The following LGI2 variants were observed in gnomAD, a reference collection of about 807,000 sequenced individuals.
The protein encoded by LGI2 is leucine-rich repeat LGI family member 2.
Under a neutral mutation model 52.0 loss-of-function variants are expected in LGI2, and 30 were observed. The ratio of observed to expected loss-of-function variants is 0.58; its 90% CI spans 0.43 to 0.78. The LOEUF (loss-of-function observed/expected upper bound fraction) is 0.78. Ranked by LOEUF, LGI2 falls within the 30% of genes least tolerant of loss-of-function variation. The pLI is 0.00. For synonymous variants in LGI2, 270 were observed against 271.8 expected, an observed-to-expected ratio of 0.99 and a Z score of 0.06; for missense variants, 573 against 692.5, an observed-to-expected ratio of 0.83 and a Z score of 1.94.
In LGI2 at chr4:25,030,487, T is replaced by C; in HGVS notation, c.197+10A>G. ...CGGGACGGGATGGGGGCTGGAGGGG[T>C]CCCACTCACAGGGAGCTGATGTCGC... On this transcript the variant is annotated intron_variant, in intron 1 of 7. Transcript: ENST00000382114. 6.4e-7 allele frequency: 1 copy of C among 1,574,586 alleles called. No homozygotes were observed. The highest frequency in any genetic ancestry group is 2.3e-5 in the East Asian group (1 of 43,048).
In LGI2 at chr4:25,011,104, AC is replaced by A. The variant is rs748146029; in HGVS notation, c.820+1230del. 5.9e-5 allele frequency among the ~76,000 whole-genome samples: 9 copies of A among 152,000 alleles called. No homozygotes were observed. In the East Asian group the frequency reaches 9.7e-4, roughly 16 times the overall value. ...CTCAAAAAAAAAAAAAATCAAAAAAACCAAAAAACAGAAAACAGCAAAGCTT... is the reference window on the plus strand; with the variant it reads ...CTCAAAAAAAAAAAAAATCAAAAAAACAAAAAACAGAAAACAGCAAAGCTT... On this transcript the variant is annotated intron_variant, in intron 7 of 7. Coordinates refer to ENST00000382114, the MANE Select transcript of LGI2 (RefSeq NM_018176.4).
intron 6 of LGI2, among the ~76,000 whole-genome samples, chr4:25,015,876 G>T (rs550377439): frequency 6.6e-6 from 1 of 152,078 alleles, no homozygotes; most frequent in Admixed American, 6.5e-5. Flanking sequence ...TTTTTTTCCC[G>T]ATGGAAGAAA....
chr4:24,996,975 T>C (rs756741932), downstream of LGI2, among the ~76,000 whole-genome samples: 10 of 152,164 alleles, frequency 6.6e-5, no homozygotes, highest in Non-Finnish European at 1.3e-4. Context: ...TGCTGGCCTC[T>C]TTTCCCCTGT....
In LGI2 at chr4:25,003,784, G is replaced by C. The variant is rs955506372; in HGVS notation, c.1305C>G (p.Ser435=). Residue 435 remains serine, a synonymous_variant, in exon 8 of 8, where the codon TCC becomes TCG. Coordinates refer to ENST00000382114, the MANE Select transcript of LGI2 (RefSeq NM_018176.4). ...SFRMQNTLYL[S]LTRFIGDSRV... ...GGGAGTCCCCGATGAAGCGGGTAAG[G>C]GAAAGGTAGAGGGTATTTTGCATTC... The C allele has an allele frequency of 4.3e-6, 7 of 1,614,082 alleles. No homozygotes were observed. In the Admixed American group the frequency reaches 1.0e-4, roughly 23 times the overall value.
intron 7 of LGI2, among the ~76,000 whole-genome samples, chr4:25,007,578 AGTGTGTGTGTGTGTGT>A (rs3066687): frequency 0.25 from 35,328 of 142,248 alleles, 4,639 homozygotes; most frequent in Middle Eastern, 0.41. Context: ...CAGACAGATC[AGTGTGTGTGTGTGTGT>A]GTGTGTGTGT....
chr4:24,992,644 T>A, the LGI2 span, among the ~76,000 whole-genome samples: 1 of 152,024 alleles, frequency 6.6e-6, no homozygotes, highest in Non-Finnish European at 1.5e-5. Flanking sequence ...GATCGTGCCA[T>A]TGCACTCCAG....
In LGI2 at chr4:25,001,882, T is replaced by A. The variant is rs903957261; in HGVS notation, c.*1569A>T. The A allele has an allele frequency of 6.6e-6, 1 of 152,224 alleles. No homozygotes were observed. Among genetic ancestry groups the A allele is most frequent in the Non-Finnish European group, 1.5e-5 (1 of 68,040 alleles). The allele number at this position is 152,224 out of a possible 1,614,324, so 9.4% of individuals were successfully genotyped here. A position where few individuals can be genotyped will look rare whatever the true frequency, so the allele number is the denominator to read the frequency against. On this transcript the variant is annotated 3_prime_UTR_variant, in exon 8 of 8. Coordinates refer to ENST00000382114, the MANE Select transcript of LGI2 (RefSeq NM_018176.4). The stretch of plus-strand genomic sequence containing the variant: ...TACCTACTCATGACATGGCAAATAG[T>A]CATTTTACAATAACAATACAGTACA...
chr4:25,011,439 G>A (rs1469202901), intron 7 of LGI2, among the ~76,000 whole-genome samples: 3 of 152,098 alleles, frequency 2.0e-5, no homozygotes, highest in South Asian at 2.1e-4. Flanking sequence ...ATCTCACACC[G>A]AGATACACTG....
At chr4:25,021,621 C>A (rs1452717837) in intron 4 of LGI2, among the ~76,000 whole-genome samples, 1 of 152,090 alleles carries the variant, frequency 6.6e-6, no homozygotes, top group Non-Finnish European at 1.5e-5. Flanking sequence ...GCATCTCCTG[C>A]CTAGAGGAGT....
In LGI2 at chr4:25,000,928, G is replaced by A. The variant is rs1032905151; in HGVS notation, c.*2523C>T. On this transcript the variant is annotated 3_prime_UTR_variant, in exon 8 of 8. Coordinates refer to ENST00000382114, the MANE Select transcript of LGI2 (RefSeq NM_018176.4). ...AATGAAGCAAAGATATCACCACCCC[G>A]TGCCAAGAACATCTATGCTCCTTTA... is the stretch of plus-strand genomic sequence containing the variant. 10 of 152,316 alleles carry A rather than the reference G, an allele frequency of 6.6e-5. No homozygotes were observed. The highest frequency in any genetic ancestry group is 1.4e-4 in the African/African-American group (6 of 41,564). The allele number at this position is 152,316 out of a possible 1,614,324, so 9.4% of individuals were successfully genotyped here.
At chr4:25,030,428 G>T in intron 1 of LGI2, 69 bp downstream of exon 1, 1 of 1,451,220 alleles carries the variant, frequency 6.9e-7, no homozygotes, top group Non-Finnish European at 9.3e-7. Context: ...GGCGCCAGAG[G>T]CAACTCCCTC....
At chr4:25,025,939 C>G (rs986347191) in intron 3 of LGI2, among the ~76,000 whole-genome samples, 3 of 152,122 alleles carry the variant, frequency 2.0e-5, no homozygotes, top group Non-Finnish European at 4.4e-5. Flanking sequence ...TTTGATAGAC[C>G]TTAGTCAGAT....
intron 7 of LGI2, among the ~76,000 whole-genome samples, chr4:25,008,572 A>C (rs1373713663): frequency 6.6e-6 from 1 of 151,854 alleles, no homozygotes; most frequent in Non-Finnish European, 1.5e-5. Flanking sequence ...AAAAAAAAAA[A>C]AAATCCTTAT....
intron 6 of LGI2, among the ~76,000 whole-genome samples, chr4:25,012,754 T>G (rs1725631816): frequency 6.6e-6 from 1 of 152,234 alleles, no homozygotes; most frequent in South Asian, 2.1e-4. Context: ...CTTCCCGAGT[T>G]TGGCTAAAGG....
intron 7 of LGI2, among the ~76,000 whole-genome samples, chr4:25,007,036 T>C (rs563517785): frequency 2.0e-5 from 3 of 152,380 alleles, no homozygotes; most frequent in South Asian, 4.1e-4. Context: ...ACGTTATCCA[T>C]AGATATTTTA....
rs762463732 is a variant in LGI2, at chr4:24,999,830, T to G, written c.*3621A>C. The stretch of plus-strand genomic sequence containing the variant: ...TTCCAGTGTGCTTCCTGAAGGCTGA[T>G]GACGGCCGAGAGCAATTCATCACCA... On this transcript the variant is annotated 3_prime_UTR_variant, in exon 8 of 8. Coordinates refer to ENST00000382114, the MANE Select transcript of LGI2 (RefSeq NM_018176.4). 3.4e-4 allele frequency: 157 copies of G among 456,166 alleles called. No individual in the cohort carries two copies. The highest frequency in any genetic ancestry group is 5.7e-5 in the Non-Finnish European group (13 of 226,968). 28.3% of individuals were successfully genotyped at this position (456,166 alleles called of 1,614,324 possible). A position where few individuals can be genotyped will look rare whatever the true frequency, so the allele number is the denominator to read the frequency against.
chr4:24,996,860 G>A (rs1306292840), downstream of LGI2, among the ~76,000 whole-genome samples: 2 of 152,200 alleles, frequency 1.3e-5, no homozygotes, highest in African/African-American at 4.8e-5. Context: ...TCTTTGTGTG[G>A]ATTTCTGGGG....
In LGI2 at chr4:25,004,295, A is replaced by G. The variant is rs1398009886; in HGVS notation, c.821-27T>C. On this transcript the variant is annotated intron_variant, in intron 7 of 7. Transcript: ENST00000382114. The surrounding 1 kb of genome is among the most constrained non-coding windows in gnomAD (Gnocchi z 4.6). The stretch of plus-strand genomic sequence containing the variant: ...TGTGCTCCAAAATAAAGGAGAGGAC[A>G]TTAGTGCAACTACAGCTAAAAACGC... The G allele has an allele frequency of 6.3e-7, 1 of 1,583,298 alleles. No individual in the cohort carries two copies. The highest frequency in any genetic ancestry group is 1.4e-5 in the African/African-American group (1 of 73,892).
intron 6 of LGI2, among the ~76,000 whole-genome samples, chr4:25,017,549 A>T (rs1393449143): frequency 2.0e-5 from 3 of 150,646 alleles, no homozygotes; most frequent in Non-Finnish European, 4.4e-5. Flanking sequence ...CTCAAAAAAA[A>T]AAAAAAAAAA....
Sources: allele counts gnomAD v4.1 joint callset (sites outside exome capture counted in the v4.1 genomes callset), GRCh38; gene constraint gnomAD v4.1.1; non-coding constraint Gnocchi (gnomAD v3.1); transcripts MANE v1.5; gene names NCBI Gene and HGNC (gene_info 2026-07-23, HGNC 2026-07-21).